The following KHDRBS2 variants were observed in gnomAD, a reference collection of about 807,000 sequenced individuals.
The protein encoded by KHDRBS2 is KH domain-containing, RNA-binding, signal transduction-associated protein 2.
Under a neutral mutation model 44.3 loss-of-function variants are expected in KHDRBS2, and 26 were observed. The ratio of observed to expected loss-of-function variants is 0.59; its 90% confidence interval spans 0.43 to 0.81. The LOEUF (loss-of-function observed/expected upper bound fraction) is 0.81, where lower values mean the gene tolerates loss of function less well. Among genes scored for constraint, KHDRBS2 ranks in the 40% least tolerant of loss-of-function variants. The probability of loss-of-function intolerance (pLI) is 0.00; values close to 1 mark genes in which losing one functional copy is unlikely to be tolerated. For synonymous variants in KHDRBS2, 194 were observed against 151.1 expected, an observed-to-expected ratio of 1.28 and a Z score of -2.08; for missense variants, 476 against 433.1, an observed-to-expected ratio of 1.10 and a Z score of -0.88.
At chr6:61,551,389 T>G in the KHDRBS2 span, among the ~76,000 whole-genome samples, 1 of 152,202 alleles carries the variant, frequency 6.6e-6, no homozygotes, top group African/African-American at 2.4e-5. Context: ...ATTTGCCAAT[T>G]TTTGCTTTTG....
intron 3 of KHDRBS2, among the ~76,000 whole-genome samples, chr6:62,034,228 T>C (rs1784848808): frequency 1.3e-5 from 2 of 151,884 alleles, no homozygotes; most frequent in South Asian, 4.1e-4. Context: ...CGATGGCTTT[T>C]ACTGCTGAAT....
At chr6:61,665,986 T>C in the KHDRBS2 span, among the ~76,000 whole-genome samples, 97,412 of 150,542 alleles carry the variant, frequency 0.65, 31,904 homozygotes, top group African/African-American at 0.7. Context: ...TTGATGTTGC[T>C]TATGATTTTA....
In KHDRBS2 at chr6:62,217,279, G is replaced by C. The variant is rs889952189; in HGVS notation, c.92-39967C>G. On this transcript the variant is annotated intron_variant, in intron 1 of 8. Coordinates refer to ENST00000281156, the MANE Select transcript of KHDRBS2 (RefSeq NM_152688.4). Reference sequence around the variant, plus strand: ...AATCAATCCTATATTCAAATGACCAGAAAAAAAAGCTAAATTCATATATAG... The same window carrying C: ...AATCAATCCTATATTCAAATGACCACAAAAAAAAGCTAAATTCATATATAG... Among the ~76,000 whole-genome samples the C allele has an allele frequency of 5.3e-5, 8 of 151,076 alleles. 1 individual carries two copies. Among genetic ancestry groups the C allele is most frequent in the Non-Finnish European group, 1.0e-4 (7 of 67,632 alleles).
intron 6 of KHDRBS2, among the ~76,000 whole-genome samples, chr6:61,783,446 T>C (rs935086596): frequency 6.6e-6 from 1 of 152,124 alleles, no homozygotes; most frequent in Non-Finnish European, 1.5e-5. Flanking sequence ...ATTTTGTTCC[T>C]AGCACTGCAT....
At chr6:61,705,910 C>CTT (rs1769460022) in intron 7 of KHDRBS2, among the ~76,000 whole-genome samples, 1 of 151,774 alleles carries the variant, frequency 6.6e-6, no homozygotes, top group South Asian at 2.1e-4. Context: ...GAAAATCCAT[C>CTT]TTTATATGTG....
chr6:62,134,972 T>C (rs1376155031), intron 2 of KHDRBS2, among the ~76,000 whole-genome samples: 1 of 152,292 alleles, frequency 6.6e-6, no homozygotes, highest in Admixed American at 6.5e-5. Flanking sequence ...CTTTGGACTG[T>C]GGGCTTTTGA....
intron 1 of KHDRBS2, among the ~76,000 whole-genome samples, chr6:62,213,958 A>G (rs1829557966): frequency 6.8e-6 from 1 of 147,328 alleles, no homozygotes; most frequent in Admixed American, 6.8e-5. Context: ...TCTCAAATAG[A>G]TTTTCTAGCA....
chr6:61,639,210 C>T, the KHDRBS2 span, among the ~76,000 whole-genome samples: 1 of 151,982 alleles, frequency 6.6e-6, no homozygotes, highest in Non-Finnish European at 1.5e-5. Flanking sequence ...ATGAATATAG[C>T]TTAGTGACTG....
the KHDRBS2 span, among the ~76,000 whole-genome samples, chr6:61,594,500 A>T: frequency 2.0e-5 from 3 of 152,240 alleles, no homozygotes; most frequent in Non-Finnish European, 1.5e-5. Flanking sequence ...TTTAGGAAAA[A>T]AAGCATCAGA....
At chr6:62,087,858 T>A (rs1005294560) in intron 2 of KHDRBS2, among the ~76,000 whole-genome samples, 9 of 152,236 alleles carry the variant, frequency 5.9e-5, no homozygotes, top group African/African-American at 2.2e-4. Context: ...TTTTTTCACG[T>A]AGTCCCATAT....
intron 7 of KHDRBS2, among the ~76,000 whole-genome samples, chr6:61,702,212 A>G (rs1768796682): frequency 6.6e-6 from 1 of 151,876 alleles, no homozygotes; most frequent in Admixed American, 6.6e-5. Flanking sequence ...TTTACCTTTG[A>G]GTGTCTATGT....
chr6:62,130,778 TG>T (rs1161539557), intron 2 of KHDRBS2, among the ~76,000 whole-genome samples: 2 of 151,998 alleles, frequency 1.3e-5, no homozygotes, highest in African/African-American at 4.8e-5. Flanking sequence ...AGACTACAGT[TG>T]GTCAAAAATG....
chr6:61,559,242 C>T, the KHDRBS2 span, among the ~76,000 whole-genome samples: 1 of 151,974 alleles, frequency 6.6e-6, no homozygotes, highest in Admixed American at 6.5e-5. Flanking sequence ...AACTCCTGCT[C>T]TTTCTGGGTT....
chr6:61,900,005 TA>T (rs1803682505), intron 5 of KHDRBS2, among the ~76,000 whole-genome samples: 1 of 152,018 alleles, frequency 6.6e-6, no homozygotes, highest in Non-Finnish European at 1.5e-5. Flanking sequence ...TATGTCACAT[TA>T]ATTCTTAGCA....
At chr6:62,145,729 T>C (rs1271572523) in intron 2 of KHDRBS2, among the ~76,000 whole-genome samples, 1 of 151,934 alleles carries the variant, frequency 6.6e-6, no homozygotes, top group Non-Finnish European at 1.5e-5. Context: ...ATGGAGCATC[T>C]GTGAATCTGA....
intron 2 of KHDRBS2, among the ~76,000 whole-genome samples, chr6:62,079,195 TTTTA>T (rs1356286748): frequency 6.6e-6 from 1 of 152,080 alleles, no homozygotes; most frequent in Non-Finnish European, 1.5e-5. Flanking sequence ...TTCATTATAT[TTTTA>T]TTTATCATGC....
At chr6:61,699,884 T>C (rs1768380972) in intron 7 of KHDRBS2, among the ~76,000 whole-genome samples, 1 of 151,944 alleles carries the variant, frequency 6.6e-6, no homozygotes, top group South Asian at 2.1e-4. Context: ...AAAATTATGG[T>C]AATGTGTTCT....
chr6:61,741,276 A>C (rs1329285550), intron 6 of KHDRBS2, among the ~76,000 whole-genome samples: 1 of 151,944 alleles, frequency 6.6e-6, no homozygotes, highest in African/African-American at 2.4e-5. Flanking sequence ...AGAATATGTT[A>C]AATTACCTCT....
intron 2 of KHDRBS2, among the ~76,000 whole-genome samples, chr6:62,135,426 T>C (rs1243106908): frequency 2.6e-5 from 4 of 152,052 alleles, no homozygotes; most frequent in Non-Finnish European, 5.9e-5. Context: ...AGCGTGAAAA[T>C]AGACTAATGC....
Sources: gnomAD v4.1 joint callset for allele counts (sites outside exome capture counted in the v4.1 genomes callset) on GRCh38, gnomAD v4.1.1 for gene constraint, MANE v1.5 for transcripts, NCBI Gene and HGNC (gene_info 2026-07-23, HGNC 2026-07-21) for gene names.